RBFOX3: variants seen among roughly 807,000 people sequenced by gnomAD.
The protein encoded by RBFOX3 is RNA binding fox-1 homolog 3, also known as RNA binding protein fox-1 homolog 3.
Under a neutral mutation model 48.7 loss-of-function variants are expected in RBFOX3, and 17 were observed. The observed-to-expected ratio is 0.35, with a 90% confidence interval of 0.24 to 0.52. The LOEUF (loss-of-function observed/expected upper bound fraction) is 0.52, where lower values mean the gene tolerates loss of function less well. Among genes scored for constraint, RBFOX3 ranks in the 20% least tolerant of loss-of-function variants. RBFOX3 has a pLI of 0.94. For synonymous variants in RBFOX3, 212 were observed against 209.5 expected, an observed-to-expected ratio of 1.01 and a Z score of -0.10; for missense variants, 382 against 497.5, an observed-to-expected ratio of 0.77 and a Z score of 2.21.
the RBFOX3 span, among the ~76,000 whole-genome samples, chr17:79,635,487 G>A: frequency 6.6e-6 from 1 of 152,206 alleles, no homozygotes; most frequent in Non-Finnish European, 1.5e-5. Flanking sequence ...TGAGGAGGCT[G>A]AGAGAAAGTC....
rs150605052 is a variant in RBFOX3, at chr17:79,130,726, T to C, written c.-33-14978A>G. The stretch of plus-strand genomic sequence containing the variant: ...CAAGCCTGGGTCTCACAGAGCCCGA[T>C]ACCGAGCAGTCTTCTGACACAGTCC... On this transcript the variant is annotated intron_variant, in intron 4 of 14. Coordinates refer to ENST00000693108, the MANE Select transcript of RBFOX3 (RefSeq NM_001350451.2). Among the ~76,000 whole-genome samples the C allele has an allele frequency of 1.7e-3, 263 of 152,348 alleles. 1 individual carries two copies. Among genetic ancestry groups the C allele is most frequent in the African/African-American group, 5.7e-3 (239 of 41,598 alleles).
intron 1 of RBFOX3, among the ~76,000 whole-genome samples, chr17:79,563,106 A>G (rs1459283186): frequency 6.6e-6 from 1 of 152,236 alleles, no homozygotes; most frequent in African/African-American, 2.4e-5. Context: ...AGTTCCCTTT[A>G]GGAACATTTG....
chr17:79,268,819 T>C (rs182239610), intron 3 of RBFOX3, among the ~76,000 whole-genome samples: 81 of 152,286 alleles, frequency 5.3e-4, no homozygotes, highest in African/African-American at 1.9e-3. Context: ...CTTTCCTCTT[T>C]CTCTCATTCC....
chr17:79,302,697 G>C (rs2075507829), intron 3 of RBFOX3, among the ~76,000 whole-genome samples: 1 of 152,124 alleles, frequency 6.6e-6, no homozygotes, highest in African/African-American at 2.4e-5. Context: ...AGAAATGAGT[G>C]AGTGAATGAA....
chr17:79,215,078 C>T (rs1043369072), intron 4 of RBFOX3, among the ~76,000 whole-genome samples: 6 of 152,206 alleles, frequency 3.9e-5, no homozygotes, highest in Non-Finnish European at 7.3e-5. Context: ...TGCCCTTCCC[C>T]TTCCTGGGCA....
Position 79,443,593 on chromosome 17 carries a change from G to A in RBFOX3, c.-175+38861C>T, listed in dbSNP as rs1009083892. 1.3e-5 allele frequency among the ~76,000 whole-genome samples: 2 copies of A among 152,140 alleles called. No homozygotes were observed. Among genetic ancestry groups the A allele is most frequent in the Non-Finnish European group, 1.5e-5 (1 of 68,012 alleles). ...AGATGGGGTTTCACCATGTTGGCCA[G>A]GCTGGCCACAAACTCCTGACCTCAG... On this transcript the variant is annotated intron_variant, in intron 2 of 14. Coordinates refer to ENST00000693108, the MANE Select transcript of RBFOX3 (RefSeq NM_001350451.2). This position sits in a 1 kb window ranked among gnomAD's most constrained non-coding sequence, Gnocchi z 4.4.
At chr17:79,658,593 C>G in the RBFOX3 span, among the ~76,000 whole-genome samples, 18,174 of 151,904 alleles carry the variant, frequency 0.12, 1,326 homozygotes, top group African/African-American at 0.2. Context: ...AATGGAGAAA[C>G]TGCAGCTCAG....
At chr17:79,469,187 C>T (rs566053691) in intron 2 of RBFOX3, among the ~76,000 whole-genome samples, 1 of 152,220 alleles carries the variant, frequency 6.6e-6, no homozygotes, top group South Asian at 2.1e-4. Flanking sequence ...CTTTATGGGT[C>T]ATTCAGAAAG....
the RBFOX3 span, among the ~76,000 whole-genome samples, chr17:79,646,925 G>T: frequency 6.6e-6 from 1 of 152,174 alleles, no homozygotes; most frequent in Non-Finnish European, 1.5e-5. Context: ...CCTTTGCACT[G>T]CCTGGCCTTA....
At chr17:79,312,290 A>AC (rs2076961370) in intron 2 of RBFOX3, among the ~76,000 whole-genome samples, 1 of 150,914 alleles carries the variant, frequency 6.6e-6, no homozygotes, top group South Asian at 2.1e-4. Context: ...GATTAAGAAA[A>AC]AAAAAAAAAG....
chr17:79,171,625 T>A (rs1470262272), intron 4 of RBFOX3, among the ~76,000 whole-genome samples: 1 of 131,386 alleles, frequency 7.6e-6, no homozygotes, highest in Non-Finnish European at 1.6e-5. Context: ...ATTTAATTAC[T>A]TTTTTTTTAT....
intron 4 of RBFOX3, among the ~76,000 whole-genome samples, chr17:79,150,275 C>T (rs1044345213): frequency 2.1e-4 from 32 of 152,084 alleles, no homozygotes; most frequent in African/African-American, 7.7e-4. Flanking sequence ...GGGGTCCTGG[C>T]TGGGGCCCAG....
chr17:79,631,548 C>G, the RBFOX3 span, among the ~76,000 whole-genome samples: 1 of 152,152 alleles, frequency 6.6e-6, no homozygotes, highest in African/African-American at 2.4e-5. Context: ...AGGGACCGGC[C>G]AGGGCTGACC....
At chr17:79,332,216 C>T (rs903750284) in intron 2 of RBFOX3, among the ~76,000 whole-genome samples, 4 of 152,208 alleles carry the variant, frequency 2.6e-5, no homozygotes, top group African/African-American at 4.8e-5. Flanking sequence ...GGAATTCTGT[C>T]TCCAAATTGG....
At chr17:79,412,282 A>G (rs1323980163) in intron 2 of RBFOX3, among the ~76,000 whole-genome samples, 1 of 150,550 alleles carries the variant, frequency 6.6e-6, no homozygotes. Context: ...GTGTGCGTGT[A>G]TGAACATGTG....
At chr17:79,162,342 T>C (rs1008931618) in intron 4 of RBFOX3, among the ~76,000 whole-genome samples, 1 of 152,170 alleles carries the variant, frequency 6.6e-6, no homozygotes, top group African/African-American at 2.4e-5. Context: ...GGGCCCACCC[T>C]GCAAGGTGAG....
intron 2 of RBFOX3, among the ~76,000 whole-genome samples, chr17:79,433,964 G>A (rs1019321290): frequency 3.9e-5 from 6 of 152,076 alleles, no homozygotes; most frequent in Admixed American, 6.5e-5. Context: ...TTGAACTCAC[G>A]GCTAACAGCA....
At chr17:79,574,881 A>G (rs2092805246) in intron 1 of RBFOX3, among the ~76,000 whole-genome samples, 1 of 152,196 alleles carries the variant, frequency 6.6e-6, no homozygotes, top group Non-Finnish European at 1.5e-5. Flanking sequence ...CCCCAGCCAC[A>G]TGGGGATCTC....
intron 2 of RBFOX3, among the ~76,000 whole-genome samples, chr17:79,466,879 G>A (rs1361041573): frequency 6.6e-6 from 1 of 152,116 alleles, no homozygotes; most frequent in Non-Finnish European, 1.5e-5. Context: ...GACCAGGTGT[G>A]AAGAGGGCCT....
Sources: allele counts gnomAD v4.1 joint callset (sites outside exome capture counted in the v4.1 genomes callset), GRCh38; gene constraint gnomAD v4.1.1; non-coding constraint Gnocchi (gnomAD v3.1); transcripts MANE v1.5; gene names NCBI Gene and HGNC (gene_info 2026-07-23, HGNC 2026-07-21).